Variants in PARL observed in about 807,000 individuals in gnomAD.
PARL encodes the protein presenilin-associated rhomboid-like protein, mitochondrial.
PARL carries 44 observed loss-of-function variants against 51.6 expected under a neutral mutation model. That is an observed-to-expected ratio of 0.85 (90% CI 0.67 to 1.10). PARL has a LOEUF of 1.10. Ranked by LOEUF, PARL falls within the 50% of genes least tolerant of loss-of-function variation. The probability of loss-of-function intolerance (pLI) is 0.00; values close to 1 mark genes in which losing one functional copy is unlikely to be tolerated. For missense variants in PARL, 441 were observed against 469.5 expected, an observed-to-expected ratio of 0.94 and a Z score of 0.56; for synonymous variants, 172 against 164.0, an observed-to-expected ratio of 1.05 and a Z score of -0.37.
chr3:183,881,519 TTAAG>T (rs1734434226), intron 1 of PARL, among the ~76,000 whole-genome samples: 1 of 152,244 alleles, frequency 6.6e-6, no homozygotes, highest in Non-Finnish European at 1.5e-5. Flanking sequence ...TATGAACAAA[TTAAG>T]TAGAAATGGC....
chr3:183,862,864 C>A, intron 3 of PARL, 63 bp from the exon 4 acceptor site: 1 of 1,341,688 alleles, frequency 7.5e-7, no homozygotes, highest in South Asian at 1.2e-5. Context: ...AAATGAAAAA[C>A]CAGAAGAAAA....
At chr3:183,837,667 C>G (rs1186090487) in intron 7 of PARL, among the ~76,000 whole-genome samples, 1 of 151,178 alleles carries the variant, frequency 6.6e-6, no homozygotes, top group African/African-American at 2.5e-5. Flanking sequence ...AGTCACGGCA[C>G]CCCCTCTCCT....
chr3:183,882,000 A>G (rs539943556), intron 1 of PARL, among the ~76,000 whole-genome samples: 141 of 151,808 alleles, frequency 9.3e-4, no homozygotes, highest in Middle Eastern at 3.4e-3. Flanking sequence ...CAGGAGTTCG[A>G]GACCAGCCTG....
rs143909591 is a variant in PARL at position 183,852,469 on chromosome 3, G to A, written c.512-8143C>T. On this transcript the variant is annotated intron_variant, in intron 4 of 9. Transcript: ENST00000317096. ...GACAAACTCACAGAGACAGAAAGTA[G>A]AATGCGGTTACTAGTGGCTGAGGGG... 1.0e-3 allele frequency among the ~76,000 whole-genome samples: 155 copies of A among 152,316 alleles called. 4 individuals carry two copies. In the East Asian group the frequency reaches 0.024, roughly 24 times the overall value.
intron 4 of PARL, among the ~76,000 whole-genome samples, chr3:183,860,077 G>A (rs925423423): frequency 6.6e-6 from 1 of 150,832 alleles, no homozygotes; most frequent in Non-Finnish European, 1.5e-5. Flanking sequence ...AAACCCATTC[G>A]GAAAACATCT....
chr3:183,875,132 A>C (rs1177342225), intron 1 of PARL, among the ~76,000 whole-genome samples: 1 of 152,070 alleles, frequency 6.6e-6, no homozygotes, highest in Non-Finnish European at 1.5e-5. Flanking sequence ...GAAAAATAGT[A>C]GGCTGGGTGT....
chr3:183,867,805 AAGT>A (rs1732703990), intron 2 of PARL, 57 bp downstream of exon 2: 1 of 1,265,238 alleles, frequency 7.9e-7, no homozygotes, highest in Non-Finnish European at 1.2e-6. Flanking sequence ...AAATGGGACA[AAGT>A]ACTTTAACAC....
chr3:183,868,707 C>T (rs377130816), intron 1 of PARL, among the ~76,000 whole-genome samples: 20 of 152,206 alleles, frequency 1.3e-4, no homozygotes, highest in Admixed American at 5.9e-4. Context: ...TGGTGCCCCA[C>T]CAGTTGTCAG....
chr3:183,867,252 A>G (rs986740366), intron 2 of PARL, among the ~76,000 whole-genome samples: 7 of 152,128 alleles, frequency 4.6e-5, no homozygotes, highest in Admixed American at 4.6e-4. Flanking sequence ...TAACTTCACA[A>G]TACCCTGGGG....
In PARL at chr3:183,842,807, C is replaced by CAAAAA. The variant is rs370931513; in HGVS notation, c.608-365_608-361dup. On this transcript the variant is annotated intron_variant, in intron 5 of 9. Coordinates refer to ENST00000317096, the MANE Select transcript of PARL (RefSeq NM_018622.7). ...TGGGCCATAGAGCGAGACTCTATCT[C>CAAAAA]AAAAAAAAAAAAAAAAAAAAAATTT... 9.3e-3 allele frequency among the ~76,000 whole-genome samples: 503 copies of CAAAAA among 53,916 alleles called. 18 individuals carry two copies. The highest frequency in any genetic ancestry group is 0.032 in the East Asian group (39 of 1,210). 35.4% of individuals were successfully genotyped at this position (53,916 alleles called of 152,430 possible).
At chr3:183,845,569 C>A (rs1413295084) in intron 4 of PARL, among the ~76,000 whole-genome samples, 2 of 152,052 alleles carry the variant, frequency 1.3e-5, no homozygotes, top group African/African-American at 4.8e-5. Context: ...AAATAATTAC[C>A]CAGAACTCTT....
chr3:183,879,269 G>C (rs1272144928), intron 1 of PARL, among the ~76,000 whole-genome samples: 1 of 152,212 alleles, frequency 6.6e-6, no homozygotes, highest in African/African-American at 2.4e-5. Flanking sequence ...GCAACTTCAA[G>C]GGATTCAAGG....
intron 9 of PARL, among the ~76,000 whole-genome samples, chr3:183,831,689 G>A (rs908500463): frequency 6.6e-5 from 10 of 152,238 alleles, no homozygotes; most frequent in African/African-American, 2.4e-4. Context: ...TCAGGGAAAT[G>A]TATAAGTGGA....
At chr3:183,870,998 A>G (rs1057399309) in intron 1 of PARL, among the ~76,000 whole-genome samples, 2 of 152,032 alleles carry the variant, frequency 1.3e-5, no homozygotes, top group Non-Finnish European at 2.9e-5. Context: ...CAGTTTTTTT[A>G]ATACTTATCT....
chr3:183,872,000 AT>A (rs11364933), intron 1 of PARL, among the ~76,000 whole-genome samples: 66,261 of 122,188 alleles, frequency 0.54, 15,556 homozygotes, highest in East Asian at 0.8. Flanking sequence ...CCTAGAATGC[AT>A]TTTTTTTTTT....
At chr3:183,872,249 G>T (rs1029585425) in intron 1 of PARL, among the ~76,000 whole-genome samples, 1 of 152,164 alleles carries the variant, frequency 6.6e-6, no homozygotes, top group East Asian at 1.9e-4. Context: ...TGATCCACCC[G>T]CCTCGGCCTC....
intron 1 of PARL, among the ~76,000 whole-genome samples, chr3:183,871,278 A>C (rs1007775442): frequency 2.0e-5 from 3 of 152,056 alleles, no homozygotes; most frequent in African/African-American, 7.3e-5. Context: ...GTGGTACTAT[A>C]CTCAAAGTAA....
chr3:183,851,286 A>C (rs1369320304), intron 4 of PARL, among the ~76,000 whole-genome samples: 1 of 152,240 alleles, frequency 6.6e-6, no homozygotes, highest in South Asian at 2.1e-4. Context: ...AAGCAACAAA[A>C]GAAAAAAATA....
intron 4 of PARL, among the ~76,000 whole-genome samples, chr3:183,856,194 C>G (rs1391402206): frequency 6.6e-6 from 1 of 152,148 alleles, no homozygotes; most frequent in Non-Finnish European, 1.5e-5. Flanking sequence ...TTATCTTCCT[C>G]CTCAGCCCAA....
Sources: allele counts gnomAD v4.1 joint callset (sites outside exome capture counted in the v4.1 genomes callset), GRCh38; gene constraint gnomAD v4.1.1; transcripts MANE v1.5; gene names NCBI Gene and HGNC (gene_info 2026-07-23, HGNC 2026-07-21).